USP42: variants seen among roughly 807,000 people sequenced by gnomAD.
The protein encoded by USP42 is ubiquitin specific peptidase 42, also known as ubiquitin carboxyl-terminal hydrolase 42.
USP42 carries 23 observed loss-of-function variants against 113.0 expected under a neutral mutation model. The observed-to-expected ratio is 0.20, with a 90% confidence interval of 0.15 to 0.29. The LOEUF (loss-of-function observed/expected upper bound fraction) is 0.29. Ranked by LOEUF, USP42 falls within the 10% of genes least tolerant of loss-of-function variation. The pLI, the probability that USP42 is intolerant of heterozygous loss-of-function variation, is 1.00. For synonymous variants in USP42, 933 were observed against 699.0 expected (o/e 1.33, Z -5.28); for missense variants, 2,174 against 1,779.8 (o/e 1.22, Z -3.99).
rs377573018 is a variant in USP42 at position 6,147,824 on chromosome 7, C to T, written c.1318C>T (p.Arg440Trp). Residue 440 changes from arginine (R) to tryptophan (W), a missense_variant, in exon 12 of 18, where the codon CGG (arginine) becomes TGG (tryptophan). Arg to Trp is a moderately radical substitution (Grantham distance 101). Coordinates refer to ENST00000306177, the MANE Select transcript of USP42 (RefSeq NM_032172.3). ...QSSPRPVISQ[R>W]VVTNKQAAPG... ...CTCTCCCCGCCCCGTCATCAGTCAG[C>T]GGGTTGTCACCAACAAACAGGCTGC... 6.2e-6 allele frequency: 10 copies of T among 1,613,530 alleles called. No homozygotes were observed. The highest frequency in any genetic ancestry group is 8.5e-6 in the Non-Finnish European group (10 of 1,179,690).
At chr7:6,083,386 G>T in the USP42 span, among the ~76,000 whole-genome samples, 1 of 150,132 alleles carries the variant, frequency 6.7e-6, no homozygotes, top group East Asian at 1.9e-4. Flanking sequence ...CTCTCAAGTA[G>T]CTGGAATTAC....
intron 14 of USP42, among the ~76,000 whole-genome samples, chr7:6,151,022 G>C (rs1006369097): frequency 6.6e-6 from 1 of 152,242 alleles, no homozygotes; most frequent in African/African-American, 2.4e-5. Context: ...CCACAAACCT[G>C]CACAGCCTGT....
At position 6,148,843 on chromosome 7, in the gene USP42, C is replaced by G. The variant is rs533849236; in HGVS notation, c.1387-740C>G. Among the ~76,000 whole-genome samples the G allele has an allele frequency of 2.0e-5, 3 of 152,328 alleles. No individual in the cohort carries two copies. The South Asian group carries it at 6.2e-4, about 32-fold the overall frequency. ...GCCCAGCGGGCTCCCCTTTTGGGCT[C>G]TGCTCCAGAGTGACATCAGGACTCT... On this transcript the variant is annotated intron_variant, in intron 12 of 17. Transcript: ENST00000306177.
At position 6,156,929 on chromosome 7, in the gene USP42, G is replaced by C. The variant is rs1360032519; in HGVS notation, c.3817G>C (p.Ala1273Pro). 6.2e-7 allele frequency: 1 copy of C among 1,613,938 alleles called. No homozygotes were observed. The highest frequency in any genetic ancestry group is 1.3e-5 in the African/African-American group (1 of 75,040). Residue 1273 changes from alanine to proline, a missense_variant, in exon 16 of 18, where the codon GCC (alanine) becomes CCC (proline). Physicochemically the swap from Ala to Pro is conservative, Grantham distance 27 (BLOSUM62 -1). Coordinates refer to ENST00000306177, the MANE Select transcript of USP42 (RefSeq NM_032172.3). The stretch of plus-strand genomic sequence containing the variant: ...GGAGACTGTCGCCCAGTTCCGGAGA[G>C]CCCAGGGTGGCTTTCCTCTCTCTGG... ...SLETVAQFRR[A>P]QGGFPLSGGP...
upstream of USP42, among the ~76,000 whole-genome samples, chr7:6,103,974 C>G (rs941326720): frequency 6.6e-6 from 1 of 151,276 alleles, no homozygotes; most frequent in Non-Finnish European, 1.5e-5. Flanking sequence ...GCCCCAGCTG[C>G]TAGGGAGGCT....
intron 4 of USP42, among the ~76,000 whole-genome samples, chr7:6,138,713 G>A (rs1013598641): frequency 7.2e-5 from 11 of 152,180 alleles, no homozygotes; most frequent in Non-Finnish European, 1.6e-4. Context: ...CAGATCAATG[G>A]CAGCATTAGA....
rs780511008 is a variant in USP42 at position 6,139,825 on chromosome 7, C to T, written c.657-303C>T. 124 of 455,330 alleles carry T rather than the reference C, an allele frequency of 2.7e-4. No homozygotes were observed. The highest frequency in any genetic ancestry group is 4.6e-4 in the Non-Finnish European group (114 of 250,392). The allele number at this position is 455,330 out of a possible 1,614,324, so 28.2% of individuals were successfully genotyped here. On this transcript the variant is annotated intron_variant, in intron 5 of 17. Coordinates refer to ENST00000306177, the MANE Select transcript of USP42 (RefSeq NM_032172.3). The surrounding 1 kb of genome is among the most constrained non-coding windows in gnomAD (Gnocchi z 4.5). ...CCGCTCCCTTTCCTCCCACACAGGC[C>T]GCAGTGCCCGGAGGCTGCCATCTTC... is the stretch of plus-strand genomic sequence containing the variant.
chr7:6,106,891 G>A (rs1226642168), intron 1 of USP42, among the ~76,000 whole-genome samples: 2 of 152,124 alleles, frequency 1.3e-5, no homozygotes, highest in Non-Finnish European at 2.9e-5. Flanking sequence ...TAATGCTCTT[G>A]TAACTTTTAT....
At chr7:6,147,691 T>C in intron 11 of USP42, 48 bp from the exon 12 acceptor site, 7 of 1,521,594 alleles carry the variant, frequency 4.6e-6, no homozygotes, top group Non-Finnish European at 5.3e-6. Context: ...GAATCTCTCC[T>C]AAGGAGGTGT....
In USP42 at chr7:6,159,066, C is replaced by T. The variant is rs191966019; in HGVS notation, c.3944-384C>T. Among the ~76,000 whole-genome samples, 102 of 152,290 alleles carry T rather than the reference C, an allele frequency of 6.7e-4. No homozygotes were observed. Among genetic ancestry groups the T allele is most frequent in the African/African-American group, 2.3e-3 (96 of 41,562 alleles). ...TTGTCCTTCTGAGAAGGCCGCTGCC[C>T]GGCCCCGCCTCACCCAGCGTCCTGT... On this transcript the variant is annotated intron_variant, in intron 16 of 17. Transcript: ENST00000306177. The surrounding 1 kb of genome is among the most constrained non-coding windows in gnomAD (Gnocchi z 4.1).
At chr7:6,111,416 G>A in intron 2 of USP42, 42 bp downstream of exon 2, 1 of 1,596,454 alleles carries the variant, frequency 6.3e-7, no homozygotes, top group East Asian at 2.2e-5. Context: ...AGAAACTCCT[G>A]TGTAAATGCT....
At position 6,159,890 on chromosome 7, in the gene USP42, C is replaced by T. The variant is rs548662206; in HGVS notation, c.*36+397C>T. On this transcript the variant is annotated intron_variant, in intron 17 of 17. Transcript: ENST00000306177. The surrounding 1 kb of genome is among the most constrained non-coding windows in gnomAD (Gnocchi z 4.1). ...TCAGGAGAGCGGAGCCTTGCTCCCT[C>T]GTCCGTCCCGTCCCCTGTGCTGCTG... Among the ~76,000 whole-genome samples the T allele has an allele frequency of 4.6e-5, 7 of 152,306 alleles. No individual in the cohort carries two copies. The highest frequency in any genetic ancestry group is 7.2e-5 in the African/African-American group (3 of 41,574).
chr7:6,149,853 G>A lies in USP42; in HGVS notation c.1657G>A (p.Val553Ile), dbSNP rs772525190. 1.6e-5 allele frequency: 26 copies of A among 1,613,840 alleles called. No individual in the cohort carries two copies. The highest frequency in any genetic ancestry group is 5.0e-5 in the Admixed American group (3 of 59,994). ...SNSLENPTKP[V>I]PSSTITNSAV... The stretch of plus-strand genomic sequence containing the variant: ...TTCTTTGGAGAACCCTACCAAGCCC[G>A]TTCCCTCTTCTACCATTACCAATTC... Residue 553 changes from valine (V) to isoleucine (I), a missense_variant, in exon 13 of 18, where the codon GTT becomes ATT. Physicochemically the swap from Val to Ile is conservative, Grantham distance 29. Transcript: ENST00000306177.
Position 6,161,545 on chromosome 7 carries a change from A to G in USP42, c.*1027A>G, listed in dbSNP as rs2128532933. ...ACAGCATGTAAAATTTCTATAGTAT[A>G]TAAATGGCAGCAAATCACACACTTG... On this transcript the variant is annotated 3_prime_UTR_variant, in exon 18 of 18. Transcript: ENST00000306177. The G allele has an allele frequency of 6.5e-6, 1 of 152,768 alleles. No individual in the cohort carries two copies. The highest frequency in any genetic ancestry group is 2.1e-4 in the South Asian group (1 of 4,828). The allele number at this position is 152,768 out of a possible 1,614,324, so 9.5% of individuals were successfully genotyped here. A position where few individuals can be genotyped will look rare whatever the true frequency, so the allele number is the denominator to read the frequency against.
rs1186657355 is a variant in USP42, at chr7:6,154,490, G to A, written c.2936G>A (p.Arg979Gln). The change falls in exon 15 of 18, where the codon CGG (arginine) becomes CAG (glutamine). Residue 979 changes from arginine to glutamine, a missense_variant. Coordinates refer to ENST00000306177, the MANE Select transcript of USP42 (RefSeq NM_032172.3). ...SRSKTEGHRHRRRRTCPRERD... is the reference protein window; with the variant it reads ...SRSKTEGHRHQRRRTCPRERD... ...AGCAAGACTGAGGGCCACCGTCACC[G>A]GCGGCGCCGCACCTGCCCCCGGGAG... 2 of 1,546,850 alleles carry A rather than the reference G, an allele frequency of 1.3e-6. No homozygotes were observed. Among genetic ancestry groups the A allele is most frequent in the East Asian group, 2.4e-5 (1 of 40,894 alleles).
chr7:6,091,224 CTCTTT>C, the USP42 span, among the ~76,000 whole-genome samples: 50 of 150,850 alleles, frequency 3.3e-4, 4 homozygotes, highest in African/African-American at 9.9e-4. Flanking sequence ...CTCTTCTCTT[CTCTTT>C]TCTTTTCTTT....
At chr7:6,107,558 C>T (rs1025536210) in intron 1 of USP42, among the ~76,000 whole-genome samples, 4 of 151,740 alleles carry the variant, frequency 2.6e-5, no homozygotes, top group Admixed American at 6.6e-5. Context: ...TACAGGCATG[C>T]GCCACCACGC....
intron 3 of USP42, among the ~76,000 whole-genome samples, chr7:6,127,820 C>T (rs1780621194): frequency 6.6e-6 from 1 of 152,156 alleles, no homozygotes; most frequent in East Asian, 1.9e-4. Context: ...ATAGGAAGTA[C>T]ACTAAACTTG....
chr7:6,084,444 C>G, the USP42 span: 1 of 151,360 alleles, frequency 6.6e-6, no homozygotes, highest in South Asian at 2.1e-4. Flanking sequence ...TTGACTCAAC[C>G]TGCCGGACAC....
Sources: gnomAD v4.1 joint callset for allele counts (sites outside exome capture counted in the v4.1 genomes callset) on GRCh38, gnomAD v4.1.1 for gene constraint, Gnocchi (gnomAD v3.1) non-coding constraint, MANE v1.5 for transcripts, NCBI Gene and HGNC (gene_info 2026-07-23, HGNC 2026-07-21) for gene names.